ANKS1B: variants seen among roughly 807,000 people sequenced by gnomAD.
The protein encoded by ANKS1B is ankyrin repeat and sterile alpha motif domain-containing protein 1B.
In ANKS1B, 36 loss-of-function variants were observed where a neutral mutation model predicts 148.3. That is an observed-to-expected ratio of 0.24 (90% confidence interval 0.19 to 0.32). The LOEUF is 0.32. Among genes scored for constraint, ANKS1B ranks in the 10% least tolerant of loss-of-function variants. The pLI, the probability that ANKS1B is intolerant of heterozygous loss-of-function variation, is 1.00. For missense variants in ANKS1B, 1,157 were observed against 1,542.6 expected, an observed-to-expected ratio of 0.75 and a Z score of 4.19; for synonymous variants, 542 against 560.8, an observed-to-expected ratio of 0.97 and a Z score of 0.47.
intron 2 of ANKS1B, 102 bp from the exon 3 acceptor site, chr12:99,812,413 G>A: frequency 1.6e-6 from 2 of 1,267,976 alleles, no homozygotes; most frequent in Non-Finnish European, 2.1e-6. Flanking sequence ...GGAATTTAGA[G>A]TAATCATTCA....
At chr12:99,076,565 C>T (rs1433539907) in intron 16 of ANKS1B, among the ~76,000 whole-genome samples, 1 of 152,066 alleles carries the variant, frequency 6.6e-6, no homozygotes, top group African/African-American at 2.4e-5. Context: ...TGAAGATGGT[C>T]AAAGGGGCTG....
intron 12 of ANKS1B, among the ~76,000 whole-genome samples, chr12:99,314,214 T>C (rs1327506479): frequency 1.3e-5 from 2 of 152,096 alleles, no homozygotes; most frequent in Non-Finnish European, 2.9e-5. Flanking sequence ...TAACAAGGGA[T>C]GTGAAGGACC....
intron 17 of ANKS1B, among the ~76,000 whole-genome samples, chr12:98,847,978 T>A (rs1278252904): frequency 6.6e-6 from 1 of 152,210 alleles, no homozygotes. Context: ...TTAATACATG[T>A]TTATTTTGTA....
chr12:99,779,658 C>T (rs1327514810), intron 6 of ANKS1B, among the ~76,000 whole-genome samples: 1 of 151,396 alleles, frequency 6.6e-6, no homozygotes, highest in African/African-American at 2.4e-5. Flanking sequence ...AAATAAATAC[C>T]TTAACTTCTT....
At chr12:99,587,201 T>C (rs1420273161) in intron 9 of ANKS1B, among the ~76,000 whole-genome samples, 1 of 152,212 alleles carries the variant, frequency 6.6e-6, no homozygotes, top group Non-Finnish European at 1.5e-5. Context: ...ACATGAAGTA[T>C]GCTTCCAACA....
chr12:98,913,902 A>G lies in ANKS1B; in HGVS notation c.2779-81766T>C, dbSNP rs571439969. On this transcript the variant is annotated intron_variant, in intron 17 of 26. Transcript: ENST00000683438. ...CGCCTTGGCCTCCCACAAACTGTCAATTTCTACCCCAAACCTGCTCTTCTT... is the reference window on the plus strand; with the variant it reads ...CGCCTTGGCCTCCCACAAACTGTCAGTTTCTACCCCAAACCTGCTCTTCTT... 3.2e-3 allele frequency among the ~76,000 whole-genome samples: 483 copies of G among 152,274 alleles called. 1 individual carries two copies. Among genetic ancestry groups the G allele is most frequent in the South Asian group, 6.0e-3 (29 of 4,828 alleles).
intron 9 of ANKS1B, among the ~76,000 whole-genome samples, chr12:99,562,734 G>A (rs1419420460): frequency 6.6e-6 from 1 of 152,172 alleles, no homozygotes; most frequent in East Asian, 1.9e-4. Context: ...ACTATCATGA[G>A]AAGAGTAGCA....
chr12:99,934,132 T>C (rs2094696668), intron 1 of ANKS1B, among the ~76,000 whole-genome samples: 1 of 152,194 alleles, frequency 6.6e-6, no homozygotes, highest in Non-Finnish European at 1.5e-5. Context: ...CACTTGGTCA[T>C]GATAAATGAT....
chr12:99,217,568 A>T (rs1475294623), intron 14 of ANKS1B, among the ~76,000 whole-genome samples: 4 of 151,930 alleles, frequency 2.6e-5, no homozygotes, highest in Admixed American at 2.0e-4. Flanking sequence ...TGCCTATGTG[A>T]TCTTTTTTGT....
At position 99,776,694 on chromosome 12, in the gene ANKS1B, G is replaced by T. The variant is rs10860520; in HGVS notation, c.848-1033C>A. The stretch of plus-strand genomic sequence containing the variant: ...TTTGTTTCTTTTTGGTTGTTTGTTT[G>T]TTTGAGATGGATTCTCGCTCTGTCG... On this transcript the variant is annotated intron_variant, in intron 6 of 26. Transcript: ENST00000683438. Among the ~76,000 whole-genome samples the T allele has an allele frequency of 9.0e-3, 1,369 of 151,520 alleles. 15 individuals carry two copies. The highest frequency in any genetic ancestry group is 0.027 in the African/African-American group (1,097 of 41,298).
At chr12:99,576,445 T>C (rs981935248) in intron 9 of ANKS1B, among the ~76,000 whole-genome samples, 4 of 152,124 alleles carry the variant, frequency 2.6e-5, no homozygotes, top group African/African-American at 9.6e-5. Context: ...TCTTCTCATC[T>C]ACACAGCACA....
At chr12:99,359,824 T>C (rs988208499) in intron 12 of ANKS1B, among the ~76,000 whole-genome samples, 1 of 152,202 alleles carries the variant, frequency 6.6e-6, no homozygotes, top group Non-Finnish European at 1.5e-5. Flanking sequence ...AAACCACGTT[T>C]AATTATTTCT....
intron 17 of ANKS1B, among the ~76,000 whole-genome samples, chr12:99,007,696 A>AAT (rs2099936925): frequency 6.6e-6 from 1 of 151,882 alleles, no homozygotes; most frequent in East Asian, 1.9e-4. Flanking sequence ...CACCTTGGAG[A>AAT]GTGGTGTGGG....
chr12:99,059,788 C>CATATATATATATATATATATATAT (rs759625732), intron 16 of ANKS1B, among the ~76,000 whole-genome samples: 9,816 of 87,826 alleles, frequency 0.11, 1,543 homozygotes, highest in East Asian at 0.16. Context: ...AACTAAAATT[C>CATATATATATATATATATATATAT]ATATATATAT....
chr12:98,997,878 G>T (rs1451193636), intron 17 of ANKS1B, among the ~76,000 whole-genome samples: 1 of 152,012 alleles, frequency 6.6e-6, no homozygotes, highest in African/African-American at 2.4e-5. Flanking sequence ...TTGTTAAAAT[G>T]GTTCATTTCA....
intron 8 of ANKS1B, among the ~76,000 whole-genome samples, chr12:99,693,631 C>A (rs2053455116): frequency 6.6e-6 from 1 of 152,022 alleles, no homozygotes; most frequent in Non-Finnish European, 1.5e-5. Context: ...AAAACTTTAG[C>A]CAGTTCAGGA....
chr12:99,058,660 C>G (rs965296650), intron 16 of ANKS1B, among the ~76,000 whole-genome samples: 1 of 150,864 alleles, frequency 6.6e-6, no homozygotes, highest in African/African-American at 2.4e-5. Context: ...TTCGCTCATG[C>G]CATTCCCTCT....
At chr12:99,030,390 C>T (rs1226578154) in intron 17 of ANKS1B, among the ~76,000 whole-genome samples, 3 of 152,136 alleles carry the variant, frequency 2.0e-5, no homozygotes, top group Non-Finnish European at 2.9e-5. Flanking sequence ...GAGTCAACAG[C>T]CCACTGCCTT....
At chr12:99,010,760 A>ATT (rs970348105) in intron 17 of ANKS1B, among the ~76,000 whole-genome samples, 4 of 132,712 alleles carry the variant, frequency 3.0e-5, no homozygotes, top group African/African-American at 3.1e-5. Context: ...TATTATTATT[A>ATT]TTTTTTTTTG....
Sources: allele counts gnomAD v4.1 joint callset (sites outside exome capture counted in the v4.1 genomes callset), GRCh38; gene constraint gnomAD v4.1.1; transcripts MANE v1.5; gene names NCBI Gene and HGNC (gene_info 2026-07-23, HGNC 2026-07-21).